FNDC3B: variants seen among roughly 807,000 people sequenced by gnomAD.
FNDC3B encodes fibronectin type III domain containing 3B, also known as fibronectin type III domain-containing protein 3B.
A neutral mutation model predicts 151.5 loss-of-function variants in FNDC3B; 12 were observed. The observed-to-expected ratio is 0.08, with a 90% CI of 0.05 to 0.13. FNDC3B has a LOEUF of 0.13. FNDC3B is among the 10% of genes least tolerant of loss of function. The pLI is 1.00. For missense variants in FNDC3B, 1,214 were observed against 1,505.3 expected (o/e 0.81, Z 3.20); for synonymous variants, 528 against 549.0 (o/e 0.96, Z 0.54).
intron 3 of FNDC3B, among the ~76,000 whole-genome samples, chr3:172,194,201 C>T (rs1234279566): frequency 6.6e-6 from 1 of 151,836 alleles, no homozygotes; most frequent in Non-Finnish European, 1.5e-5. Flanking sequence ...GCCTGGGCAA[C>T]AGAGCAAGAC....
intron 25 of FNDC3B, among the ~76,000 whole-genome samples, chr3:172,394,567 A>G (rs916393126): frequency 6.6e-6 from 1 of 152,182 alleles, no homozygotes; most frequent in African/African-American, 2.4e-5. Flanking sequence ...AATCCAACAG[A>G]CCAATGGGTA....
intron 11 of FNDC3B, among the ~76,000 whole-genome samples, chr3:172,328,658 G>T (rs1732476084): frequency 6.6e-6 from 1 of 152,160 alleles, no homozygotes; most frequent in Non-Finnish European, 1.5e-5. Flanking sequence ...GCATCGTCTT[G>T]TGCCTGAAAG....
intron 2 of FNDC3B, among the ~76,000 whole-genome samples, chr3:172,112,820 C>T (rs1438413141): frequency 6.6e-6 from 1 of 152,178 alleles, no homozygotes; most frequent in African/African-American, 2.4e-5. Context: ...TGGATGACTT[C>T]TGAAGTGAGT....
intron 6 of FNDC3B, among the ~76,000 whole-genome samples, chr3:172,255,681 C>T (rs895357781): frequency 6.6e-6 from 1 of 152,320 alleles, no homozygotes; most frequent in East Asian, 1.9e-4. Flanking sequence ...GGATTACAGG[C>T]GTGAGCCACT....
intron 3 of FNDC3B, among the ~76,000 whole-genome samples, chr3:172,195,779 G>T (rs1261093081): frequency 1.3e-5 from 2 of 152,136 alleles, no homozygotes; most frequent in East Asian, 3.9e-4. Context: ...CACAGGAGTG[G>T]GCACAGTTAA....
chr3:172,137,085 G>A (rs558903749), intron 3 of FNDC3B, among the ~76,000 whole-genome samples: 30 of 152,244 alleles, frequency 2.0e-4, no homozygotes, highest in African/African-American at 7.0e-4. Context: ...TGATTATGCC[G>A]TGGTTGAAAC....
chr3:172,203,254 C>A (rs1725249243), intron 3 of FNDC3B, among the ~76,000 whole-genome samples: 1 of 152,130 alleles, frequency 6.6e-6, no homozygotes, highest in Admixed American at 6.5e-5. Flanking sequence ...GTTGTAATTT[C>A]TTGTTAAAAT....
In FNDC3B at chr3:172,040,392, G is replaced by T. The variant is rs1042003026; in HGVS notation, c.-29+621G>T. On this transcript the variant is annotated intron_variant, in intron 1 of 25. Transcript: ENST00000415807. The surrounding 1 kb of genome is among the most constrained non-coding windows in gnomAD (Gnocchi z 6.6). ...GAGGGTCCCGAGCCCGCGCCGGCCT[G>T]GCCCCCCCGTCCCCGGCTGGGCCTC... Among the ~76,000 whole-genome samples the T allele has an allele frequency of 1.3e-5, 2 of 151,906 alleles. No individual in the cohort carries two copies. Among genetic ancestry groups the T allele is most frequent in the African/African-American group, 4.8e-5 (2 of 41,410 alleles).
At chr3:172,288,842 A>G (rs1372940644) in intron 7 of FNDC3B, among the ~76,000 whole-genome samples, 1 of 152,116 alleles carries the variant, frequency 6.6e-6, no homozygotes, top group African/African-American at 2.4e-5. Flanking sequence ...GGTGCTAACC[A>G]CCCTGCATGT....
Position 172,049,326 on chromosome 3 carries a change from A to T in FNDC3B, c.-29+9555A>T, listed in dbSNP as rs138364015. Among the ~76,000 whole-genome samples the T allele has an allele frequency of 1.6e-3, 241 of 152,240 alleles. 1 individual carries two copies. Among genetic ancestry groups the T allele is most frequent in the African/African-American group, 5.6e-3 (233 of 41,530 alleles). ...TATTTTATTAACTGACTTAAATTTA[A>T]GAGGAAAATGTTTAAAAGTAGATCT... On this transcript the variant is annotated intron_variant, in intron 1 of 25. Coordinates refer to ENST00000415807, the MANE Select transcript of FNDC3B (RefSeq NM_022763.4).
chr3:172,050,700 CGTGTGT>C (rs71975191), intron 1 of FNDC3B, among the ~76,000 whole-genome samples: 5,680 of 144,870 alleles, frequency 0.039, 147 homozygotes, highest in Non-Finnish European at 0.056. Context: ...GGTATATTTT[CGTGTGT>C]GTGTGTGTGT....
intron 7 of FNDC3B, among the ~76,000 whole-genome samples, chr3:172,293,951 C>CT (rs1730465004): frequency 6.6e-6 from 1 of 152,174 alleles, no homozygotes; most frequent in Non-Finnish European, 1.5e-5. Flanking sequence ...CATCTACAGC[C>CT]TAATAATCTA....
Position 172,371,887 on chromosome 3 carries a change from G to T in FNDC3B, c.3009-6383G>T, listed in dbSNP as rs548546648. ...CCAACCTTGTAAAACAGACTCATGA[G>T]CATTGGTGCTTTGTTAATAATACTC... is the stretch of plus-strand genomic sequence containing the variant. On this transcript the variant is annotated intron_variant, in intron 23 of 25. Transcript: ENST00000415807. Among the ~76,000 whole-genome samples, 10 of 152,296 alleles carry T rather than the reference G, an allele frequency of 6.6e-5. No homozygotes were observed. The South Asian group carries it at 2.1e-3, about 32-fold the overall frequency.
chr3:172,072,700 G>A (rs1176226458), intron 1 of FNDC3B, among the ~76,000 whole-genome samples: 1 of 152,192 alleles, frequency 6.6e-6, no homozygotes, highest in East Asian at 1.9e-4. Flanking sequence ...TGATAAGATA[G>A]TAAAATGGAC....
intron 1 of FNDC3B, among the ~76,000 whole-genome samples, chr3:172,109,401 C>T (rs1019202316): frequency 2.6e-5 from 4 of 151,786 alleles, no homozygotes; most frequent in African/African-American, 4.8e-5. Context: ...CTCCTGACCT[C>T]GTGATCCGCC....
At chr3:172,335,412 T>C (rs1270784392) in intron 15 of FNDC3B, 1 of 182,868 alleles carries the variant, frequency 5.5e-6, no homozygotes, top group African/African-American at 2.4e-5. Context: ...AATGTAGTAA[T>C]CTCTGCATGC....
intron 3 of FNDC3B, 188 bp downstream of exon 3, chr3:172,133,734 G>A: frequency 1.6e-6 from 1 of 631,710 alleles, no homozygotes; most frequent in South Asian, 1.7e-5. Flanking sequence ...GACATTTTTA[G>A]TGGTAAAATC....
chr3:172,059,740 A>G (rs1717096922), intron 1 of FNDC3B, among the ~76,000 whole-genome samples: 1 of 152,244 alleles, frequency 6.6e-6, no homozygotes, highest in Admixed American at 6.5e-5. Context: ...AATACCTGAT[A>G]GACTGTATAA....
chr3:172,184,872 A>G (rs1016340774), intron 3 of FNDC3B, among the ~76,000 whole-genome samples: 1 of 152,210 alleles, frequency 6.6e-6, no homozygotes, highest in African/African-American at 2.4e-5. Context: ...AAGAACTGCT[A>G]ATTAGCAGAG....
Sources: allele counts gnomAD v4.1 joint callset (sites outside exome capture counted in the v4.1 genomes callset), GRCh38; gene constraint gnomAD v4.1.1; non-coding constraint Gnocchi (gnomAD v3.1); transcripts MANE v1.5; gene names NCBI Gene and HGNC (gene_info 2026-07-23, HGNC 2026-07-21).